TG: variants seen among roughly 807,000 people sequenced by gnomAD.
TG encodes the protein thyroid hormones.
In TG, 270 loss-of-function variants were observed where a neutral mutation model predicts 324.7. That is an observed-to-expected ratio of 0.83 (90% CI 0.75 to 0.92). The LOEUF (loss-of-function observed/expected upper bound fraction) is 0.92. TG is among the 40% of genes least tolerant of loss of function. TG has a pLI of 0.00. For synonymous variants in TG, 1,401 were observed against 1,327.0 expected (o/e 1.06, Z -1.21); for missense variants, 3,591 against 3,456.4 (o/e 1.04, Z -0.98).
intron 41 of TG, chr8:133,059,070 A>T (rs1419555720): frequency 2.2e-6 from 1 of 456,278 alleles, no homozygotes; most frequent in African/African-American, 2.0e-5. Flanking sequence ...ACCTGGAGGC[A>T]GCGCAGGAAC....
chr8:132,886,955 C>T lies in TG; in HGVS notation c.1583C>T (p.Ser528Leu), dbSNP rs760386781. ...LAKPLSVGLD[S>L]NSSTGTPEAA... ...AAGCCACTCTCTGTGGGATTAGATT[C>T]AAATTCTTCCACAGGAACCCCTGAA... The change falls in exon 9 of 48, where the codon TCA becomes TTA. Residue 528 changes from serine (S) to leucine (L), a missense_variant. Transcript: ENST00000220616. 1 of 1,614,166 alleles carries T rather than the reference C, an allele frequency of 6.2e-7. No individual in the cohort carries two copies. Among genetic ancestry groups the T allele is most frequent in the Non-Finnish European group, 8.5e-7 (1 of 1,180,030 alleles).
At chr8:132,966,450 C>T in intron 29 of TG, 110 bp from the exon 30 acceptor site, 5 of 1,293,270 alleles carry the variant, frequency 3.9e-6, no homozygotes, top group South Asian at 1.3e-5. Flanking sequence ...GACACTTTCT[C>T]TCTCTGTCTC....
At chr8:132,925,782 G>C (rs1821783745) in intron 22 of TG, among the ~76,000 whole-genome samples, 1 of 152,064 alleles carries the variant, frequency 6.6e-6, no homozygotes, top group African/African-American at 2.4e-5. Flanking sequence ...AGCTCTCTTT[G>C]CATCTCTGTC....
Position 132,893,918 on chromosome 8 carries a change from C to T in TG, c.2990C>T (p.Ala997Val), listed in dbSNP as rs775054962. The change falls in exon 11 of 48, where the codon GCG (alanine) becomes GTG (valine). Residue 997 changes from alanine (A) to valine (V), a missense_variant. By Grantham distance (64) the Ala-to-Val change is moderately conservative (BLOSUM62 0). Coordinates refer to ENST00000220616, the MANE Select transcript of TG (RefSeq NM_003235.5). ...LRGSDYAIRL[A>V]AQSTLSFYQR... ...GGGAGTGATTACGCCATTCGCCTGGCGGCTCAGTCTAGTGAGTGTGGTGCC... is the reference window on the plus strand; with the variant it reads ...GGGAGTGATTACGCCATTCGCCTGGTGGCTCAGTCTAGTGAGTGTGGTGCC... The T allele has an allele frequency of 6.2e-7, 1 of 1,614,032 alleles. No homozygotes were observed. Among genetic ancestry groups the T allele is most frequent in the Non-Finnish European group, 8.5e-7 (1 of 1,179,950 alleles).
intron 5 of TG, among the ~76,000 whole-genome samples, chr8:132,881,175 A>G (rs1047389025): frequency 1.4e-4 from 22 of 152,296 alleles, no homozygotes; most frequent in African/African-American, 5.3e-4. Context: ...GGCTTTTTAT[A>G]CCTTACCTTT....
At chr8:132,934,071 A>C (rs1823197623) in intron 24 of TG, among the ~76,000 whole-genome samples, 1 of 152,094 alleles carries the variant, frequency 6.6e-6, no homozygotes, top group African/African-American at 2.4e-5. Context: ...GGTGGCTCGC[A>C]TCTGTAATCC....
chr8:133,024,091 C>T (rs549157183), intron 40 of TG, among the ~76,000 whole-genome samples: 10 of 152,372 alleles, frequency 6.6e-5, no homozygotes, highest in African/African-American at 2.2e-4. Context: ...AGGGAGCAGC[C>T]ATTTCACAGA....
intron 43 of TG, among the ~76,000 whole-genome samples, chr8:133,100,712 C>A (rs1336590920): frequency 6.6e-6 from 1 of 152,226 alleles, no homozygotes; most frequent in Non-Finnish European, 1.5e-5. Flanking sequence ...AGCCTTCCAT[C>A]TACCATCAAC....
At chr8:133,022,243 TC>T in intron 40 of TG, 93 bp downstream of exon 40, 1 of 1,554,942 alleles carries the variant, frequency 6.4e-7, no homozygotes, top group South Asian at 1.1e-5. Flanking sequence ...CCCCTGCTCC[TC>T]CTCCAGCCAA....
chr8:132,926,537 A>G (rs979367147), intron 22 of TG, among the ~76,000 whole-genome samples: 15 of 152,144 alleles, frequency 9.9e-5, no homozygotes, highest in Non-Finnish European at 2.2e-4. Flanking sequence ...TTCCAGGGCC[A>G]TAGGTACTCT....
At chr8:132,946,442 G>A (rs894089070) in intron 26 of TG, among the ~76,000 whole-genome samples, 1 of 152,050 alleles carries the variant, frequency 6.6e-6, no homozygotes, top group African/African-American at 2.4e-5. Context: ...ATAAAGTATC[G>A]GGCAGATGTT....
At chr8:132,935,590 C>T (rs901225520) in intron 24 of TG, among the ~76,000 whole-genome samples, 166 bp from the exon 25 acceptor site, 9 of 152,186 alleles carry the variant, frequency 5.9e-5, no homozygotes, top group Admixed American at 4.6e-4. Context: ...GCTAACACTC[C>T]TGGCTGCAAG....
intron 43 of TG, among the ~76,000 whole-genome samples, chr8:133,098,340 C>T (rs951124503): frequency 6.6e-6 from 1 of 152,170 alleles, no homozygotes; most frequent in South Asian, 2.1e-4. Context: ...TTTATTGAAT[C>T]AAAAGAATGT....
intron 16 of TG, among the ~76,000 whole-genome samples, chr8:132,905,349 A>G (rs774912369): frequency 5.9e-5 from 9 of 152,194 alleles, no homozygotes; most frequent in Non-Finnish European, 1.0e-4. Context: ...CAAGGAGCCT[A>G]CTGCAAATCG....
Position 132,969,518 on chromosome 8 carries a change from G to A in TG, c.5924G>A (p.Gly1975Glu), listed in dbSNP as rs762161350. 6.2e-6 allele frequency: 10 copies of A among 1,613,882 alleles called. No homozygotes were observed. The South Asian group carries it at 1.1e-4, about 18-fold the overall frequency. ...YTRLPFQKLM[G>E]ISIRNKVPMS... is the part of the protein sequence containing the mutation. Reference sequence around the variant, plus strand: ...CGCCTGCCGTTCCAAAAACTGATGGGGATATCCATTAGAAATAAAGTGCCC... The same window carrying A: ...CGCCTGCCGTTCCAAAAACTGATGGAGATATCCATTAGAAATAAAGTGCCC... The change falls in exon 32 of 48, where the codon GGG becomes GAG. Residue 1975 changes from glycine to glutamate, a missense_variant. Gly to Glu is a moderately conservative substitution (Grantham distance 98, BLOSUM62 -2). Transcript: ENST00000220616.
At position 132,969,587 on chromosome 8, in the gene TG, C is replaced by T. The variant is rs1454414677; in HGVS notation, c.5975+18C>T. On this transcript the variant is annotated intron_variant, in intron 32 of 47. Coordinates refer to ENST00000220616, the MANE Select transcript of TG (RefSeq NM_003235.5). ...TCTAATGGGTAAGCTACTTGTGTCTCACCCCTAATGTTTATTATGAATAAT... is the reference window on the plus strand; with the variant it reads ...TCTAATGGGTAAGCTACTTGTGTCTTACCCCTAATGTTTATTATGAATAAT... 6.9e-7 allele frequency: 1 copy of T among 1,443,824 alleles called. No individual in the cohort carries two copies. The highest frequency in any genetic ancestry group is 1.4e-5 in the African/African-American group (1 of 71,056). 89.4% of individuals were successfully genotyped at this position (1,443,824 alleles called of 1,614,324 possible). A position where few individuals can be genotyped will look rare whatever the true frequency, so the allele number is the denominator to read the frequency against.
chr8:133,045,154 T>C (rs1839079921), intron 41 of TG: 1 of 1,611,424 alleles, frequency 6.2e-7, no homozygotes, highest in Admixed American at 1.7e-5. Flanking sequence ...GCTCCACCTG[T>C]CCTCACCCCA....
At chr8:133,023,586 G>T (rs1835746394) in intron 40 of TG, among the ~76,000 whole-genome samples, 1 of 152,114 alleles carries the variant, frequency 6.6e-6, no homozygotes, top group Non-Finnish European at 1.5e-5. Flanking sequence ...AGACCTCTTG[G>T]CCTGGGTTTG....
At chr8:133,070,078 G>T (rs991880914) in intron 41 of TG, among the ~76,000 whole-genome samples, 8 of 151,120 alleles carry the variant, frequency 5.3e-5, no homozygotes, top group Non-Finnish European at 8.8e-5. Flanking sequence ...AAGAAACAAT[G>T]TGGGCCTAGG....
Sources: allele counts gnomAD v4.1 joint callset (sites outside exome capture counted in the v4.1 genomes callset), GRCh38; gene constraint gnomAD v4.1.1; transcripts MANE v1.5; gene names NCBI Gene and HGNC (gene_info 2026-07-23, HGNC 2026-07-21).